The following MYLK variants were observed in gnomAD, a reference collection of about 807,000 sequenced individuals.
MYLK encodes myosin light chain kinase.
MYLK carries 106 observed loss-of-function variants against 203.4 expected under a neutral mutation model. The ratio of observed to expected loss-of-function variants is 0.52; its 90% CI spans 0.45 to 0.61. The LOEUF (loss-of-function observed/expected upper bound fraction) is 0.61. Among genes scored for constraint, MYLK ranks in the 20% least tolerant of loss-of-function variants. The probability of loss-of-function intolerance (pLI) is 0.00; values close to 1 mark genes in which losing one functional copy is unlikely to be tolerated. For synonymous variants in MYLK, 867 were observed against 959.5 expected (o/e 0.90, Z 1.78); for missense variants, 2,072 against 2,442.3 (o/e 0.85, Z 3.20).
intron 2 of MYLK, among the ~76,000 whole-genome samples, chr3:123,864,338 A>G (rs1363265779): frequency 1.3e-5 from 2 of 152,240 alleles, no homozygotes; most frequent in Non-Finnish European, 2.9e-5. Flanking sequence ...TTCACTATAA[A>G]TAAGTTTTAC....
At chr3:123,709,668 G>C in intron 14 of MYLK, 88 bp downstream of exon 14, 1 of 1,556,212 alleles carries the variant, frequency 6.4e-7, no homozygotes, top group South Asian at 1.1e-5. Context: ...GGTGGATCAA[G>C]GATCTGAGCG....
At chr3:123,709,163 A>G (rs1486710851) in intron 14 of MYLK, 7 of 269,378 alleles carry the variant, frequency 2.6e-5, no homozygotes, top group South Asian at 5.2e-5. Flanking sequence ...TTTTTGAGAC[A>G]GAGTCTTTGC....
At chr3:123,730,538 A>C (rs2108776154) in intron 11 of MYLK, among the ~76,000 whole-genome samples, 1 of 152,372 alleles carries the variant, frequency 6.6e-6, no homozygotes, top group East Asian at 1.9e-4. Context: ...AAAACACTGT[A>C]TGCTATACCC....
At chr3:123,806,297 T>C (rs1442702334) in intron 3 of MYLK, among the ~76,000 whole-genome samples, 2 of 152,076 alleles carry the variant, frequency 1.3e-5, no homozygotes, top group Non-Finnish European at 2.9e-5. Context: ...GGGTCCAGAG[T>C]GGACCACTGT....
At chr3:123,816,108 A>T (rs1477975098) in intron 3 of MYLK, among the ~76,000 whole-genome samples, 2 of 152,222 alleles carry the variant, frequency 1.3e-5, no homozygotes. Context: ...AATGATATCA[A>T]CACTTCCTGG....
Position 123,809,251 on chromosome 3 carries a change from G to A in MYLK, c.-3-15407C>T, listed in dbSNP as rs145197990. 6.2e-4 allele frequency among the ~76,000 whole-genome samples: 94 copies of A among 152,302 alleles called. 2 individuals carry two copies. In the South Asian group the frequency reaches 0.011, roughly 18 times the overall value. ...TAGAAGACCTCTAAGCAGGCCAGGC[G>A]TGGTGGCTCACGCCTGTAATCCCAG... On this transcript the variant is annotated intron_variant, in intron 3 of 33. Transcript: ENST00000360304.
In MYLK at chr3:123,637,950, G is replaced by T. The variant is rs984086357; in HGVS notation, c.4961+121C>A. 37 of 1,418,828 alleles carry T rather than the reference G, an allele frequency of 2.6e-5. No individual in the cohort carries two copies. In the Middle Eastern group the frequency reaches 1.2e-3, roughly 48 times the overall value. The allele number at this position is 1,418,828 out of a possible 1,614,324, so 87.9% of individuals were successfully genotyped here. A position where few individuals can be genotyped will look rare whatever the true frequency, so the allele number is the denominator to read the frequency against. Reference sequence around the variant, plus strand: ...GGGAGCCTGCCACCCTCCTGACTCTGGGGGGGGCTCCCCATCATGACAATG... The same window carrying T: ...GGGAGCCTGCCACCCTCCTGACTCTTGGGGGGGCTCCCCATCATGACAATG... On this transcript the variant is annotated intron_variant, in intron 29 of 33. Coordinates refer to ENST00000360304, the MANE Select transcript of MYLK (RefSeq NM_053025.4).
chr3:123,676,812 A>G (rs187563614), intron 20 of MYLK, among the ~76,000 whole-genome samples: 8 of 152,214 alleles, frequency 5.3e-5, no homozygotes, highest in Admixed American at 5.2e-4. Context: ...GATGGACAGG[A>G]CCTGGTTTCT....
chr3:123,764,379 C>T (rs2063635630), intron 4 of MYLK, among the ~76,000 whole-genome samples: 1 of 152,154 alleles, frequency 6.6e-6, no homozygotes, highest in Non-Finnish European at 1.5e-5. Context: ...GAAATTAAAA[C>T]ATCAACATCA....
chr3:123,784,216 T>C (rs960569981), intron 4 of MYLK, among the ~76,000 whole-genome samples: 3 of 152,158 alleles, frequency 2.0e-5, no homozygotes, highest in South Asian at 2.1e-4. Context: ...AGTGTGGCCA[T>C]GTGGAAACAT....
At chr3:123,634,980 G>C (rs1408013172) in intron 29 of MYLK, among the ~76,000 whole-genome samples, 3 of 152,124 alleles carry the variant, frequency 2.0e-5, no homozygotes, top group Non-Finnish European at 4.4e-5. Context: ...GGGGCTCCAC[G>C]ACCCCATTCT....
intron 8 of MYLK, chr3:123,737,165 G>T: frequency 1.7e-6 from 1 of 575,432 alleles, no homozygotes. Flanking sequence ...GTTGCAGTGA[G>T]CTGAGGTCAT....
At chr3:123,735,352 G>A (rs2062637237) in intron 9 of MYLK, 46 bp downstream of exon 9, 20 of 1,611,576 alleles carry the variant, frequency 1.2e-5, no homozygotes, top group Non-Finnish European at 1.6e-5. Context: ...ATCCTTGCAG[G>A]GCATTTCAAG....
intron 19 of MYLK, among the ~76,000 whole-genome samples, chr3:123,684,778 T>C (rs1328559335): frequency 6.6e-6 from 1 of 152,224 alleles, no homozygotes; most frequent in African/African-American, 2.4e-5. Flanking sequence ...TCAGGTGATC[T>C]GCCTGCGTCA....
intron 11 of MYLK, 103 bp from the exon 12 acceptor site, chr3:123,726,181 C>G: frequency 6.7e-7 from 1 of 1,492,964 alleles, no homozygotes; most frequent in African/African-American, 1.4e-5. Context: ...TCCTGGACAC[C>G]TGGGTACCCT....
At position 123,737,270 on chromosome 3, in the gene MYLK, G is replaced by C. The variant is rs765405329; in HGVS notation, c.754+108C>G. On this transcript the variant is annotated intron_variant, in intron 8 of 33. Transcript: ENST00000360304. Reference sequence around the variant, plus strand: ...CCCTGGGGAGTGCCTGGGTGTGTGAGTGGGCCAGGTGTATACACACACAGG... The same window carrying C: ...CCCTGGGGAGTGCCTGGGTGTGTGACTGGGCCAGGTGTATACACACACAGG... 2.9e-6 allele frequency: 4 copies of C among 1,391,912 alleles called. No homozygotes were observed. In the African/African-American group the frequency reaches 5.7e-5, roughly 20 times the overall value. 86.2% of individuals were successfully genotyped at this position (1,391,912 alleles called of 1,614,324 possible).
chr3:123,818,374 T>C (rs887371562), intron 3 of MYLK, among the ~76,000 whole-genome samples: 5 of 152,198 alleles, frequency 3.3e-5, no homozygotes, highest in Non-Finnish European at 5.9e-5. Flanking sequence ...TTAGTTTGAC[T>C]ATGACCCTCT....
intron 2 of MYLK, among the ~76,000 whole-genome samples, chr3:123,872,374 C>T (rs1299435273): frequency 2.0e-5 from 3 of 152,114 alleles, no homozygotes; most frequent in African/African-American, 4.8e-5. Context: ...ACACCAGCTG[C>T]GTCTTACAAT....
intron 26 of MYLK, 35 bp from the exon 27 acceptor site, chr3:123,647,462 T>G: frequency 6.2e-7 from 1 of 1,603,270 alleles, no homozygotes; most frequent in Non-Finnish European, 8.5e-7. Flanking sequence ...AAAAGCCACA[T>G]TTAGCCAAGC....
Sources: gnomAD v4.1 joint callset for allele counts (sites outside exome capture counted in the v4.1 genomes callset) on GRCh38, gnomAD v4.1.1 for gene constraint, MANE v1.5 for transcripts, NCBI Gene and HGNC (gene_info 2026-07-23, HGNC 2026-07-21) for gene names.